Variants in SPATS1 observed in about 807,000 individuals in gnomAD.
The protein encoded by SPATS1 is spermatogenesis associated serine rich 1, also known as spermatogenesis-associated serine-rich protein 1.
Under a neutral mutation model 33.6 loss-of-function variants are expected in SPATS1, and 23 were observed. The ratio of observed to expected loss-of-function variants is 0.68; its 90% CI spans 0.49 to 0.97. The LOEUF is 0.97. Among genes scored for constraint, SPATS1 ranks in the 50% least tolerant of loss-of-function variants. The probability of loss-of-function intolerance (pLI) is 0.00; values close to 1 mark genes in which losing one functional copy is unlikely to be tolerated. For synonymous variants in SPATS1, 131 were observed against 125.6 expected (o/e 1.04, Z -0.29); for missense variants, 327 against 361.0 (o/e 0.91, Z 0.76).
intron 6 of SPATS1, 33 bp from the exon 7 acceptor site, chr6:44,370,018 A>G: frequency 2.6e-6 from 4 of 1,536,920 alleles, no homozygotes; most frequent in East Asian, 2.2e-5. Flanking sequence ...TAGATGGCAT[A>G]CCAGTTTTAT....
intron 4 of SPATS1, 152 bp from the exon 5 acceptor site, chr6:44,361,679 A>T: frequency 2.5e-6 from 3 of 1,193,026 alleles, no homozygotes; most frequent in Non-Finnish European, 1.2e-6. Flanking sequence ...ACAGAGTTTC[A>T]CACTGTCTCT....
intron 3 of SPATS1, among the ~76,000 whole-genome samples, chr6:44,358,526 G>A (rs913132088): frequency 6.6e-6 from 1 of 152,082 alleles, no homozygotes; most frequent in Non-Finnish European, 1.5e-5. Flanking sequence ...TATTAAACAT[G>A]CTTTTTTTGG....
intron 3 of SPATS1, among the ~76,000 whole-genome samples, chr6:44,354,593 G>A (rs114913983): frequency 0.032 from 4,787 of 151,912 alleles, 226 homozygotes; most frequent in African/African-American, 0.11. Context: ...TAACAGTAAG[G>A]TACAAAGTTC....
In SPATS1 at chr6:44,342,711, T is replaced by G. The variant is rs746311299; in HGVS notation, c.-58T>G. On this transcript the variant is annotated 5_prime_UTR_variant, in exon 1 of 9. Transcript: ENST00000674044. The stretch of plus-strand genomic sequence containing the variant: ...TGTCCCTTTTGCCCTAGGCTCTCGG[T>G]TCTCAGGCCTCGGCGTGCGGCGTGC... 1 of 460,454 alleles carries G rather than the reference T, an allele frequency of 2.2e-6. No homozygotes were observed. The highest frequency in any genetic ancestry group is 1.5e-5 in the South Asian group (1 of 64,598). The allele number at this position is 460,454 out of a possible 1,614,324, so 28.5% of individuals were successfully genotyped here.
In SPATS1 at chr6:44,346,439, G is replaced by A. The variant is rs9472258; in HGVS notation, c.139+3205G>A. On this transcript the variant is annotated intron_variant, in intron 2 of 8. Transcript: ENST00000674044. ...CTCACTCTGTCACCCAGGTTGGAGT[G>A]CAGTGGTATGATCAGGGCTCACTGC... Among the ~76,000 whole-genome samples the A allele has an allele frequency of 6.3e-3, 958 of 152,298 alleles. 10 individuals carry two copies. The highest frequency in any genetic ancestry group is 0.02 in the African/African-American group (838 of 41,572).
At position 44,377,100 on chromosome 6, in the gene SPATS1, T is replaced by A. The variant is rs1207094555; in HGVS notation, c.*37T>A. 1 of 1,613,630 alleles carries A rather than the reference T, an allele frequency of 6.2e-7. No individual in the cohort carries two copies. Among genetic ancestry groups the A allele is most frequent in the Admixed American group, 1.7e-5 (1 of 60,010 alleles). ...CCCACAAAACATGTGCTGACTGCACTCTGGCGACCCTTTTCCAGTTGATGT... is the reference window on the plus strand; with the variant it reads ...CCCACAAAACATGTGCTGACTGCACACTGGCGACCCTTTTCCAGTTGATGT... On this transcript the variant is annotated 3_prime_UTR_variant, in exon 9 of 9. Transcript: ENST00000674044.
intron 5 of SPATS1, 71 bp from the exon 6 acceptor site, chr6:44,368,308 C>T (rs1163099992): frequency 2.0e-6 from 3 of 1,497,036 alleles, no homozygotes; most frequent in South Asian, 1.2e-5. Flanking sequence ...CATTGTCATG[C>T]CAATACTTAC....
chr6:44,359,992 T>C (rs904078624), intron 3 of SPATS1, among the ~76,000 whole-genome samples: 1 of 152,232 alleles, frequency 6.6e-6, no homozygotes, highest in African/African-American at 2.4e-5. Context: ...TTGTGAATAA[T>C]GCTGCAAAGA....
chr6:44,367,970 C>G (rs1028410433), intron 5 of SPATS1, among the ~76,000 whole-genome samples: 1 of 152,176 alleles, frequency 6.6e-6, no homozygotes, highest in African/African-American at 2.4e-5. Flanking sequence ...CTTCCTGGAC[C>G]CAGTCAGAGA....
rs1208135666 is a variant in SPATS1 at position 44,360,427 on chromosome 6, CCTT to C, written c.288-16_288-14del. 6.2e-7 allele frequency: 1 copy of C among 1,613,846 alleles called. No homozygotes were observed. The highest frequency in any genetic ancestry group is 8.5e-7 in the Non-Finnish European group (1 of 1,179,928). On this transcript the variant is annotated splice_polypyrimidine_tract_variant and intron_variant, in intron 3 of 8. Transcript: ENST00000674044. ...TACCAGTTTAAGCACGTGGAAGAATCCTTCTGCTTTCTTTCCAGCACCACTGCT... is the reference window on the plus strand; with the variant it reads ...TACCAGTTTAAGCACGTGGAAGAATCCTGCTTTCTTTCCAGCACCACTGCT...
At chr6:44,364,534 G>C (rs1488974352) in intron 5 of SPATS1, among the ~76,000 whole-genome samples, 1 of 136,604 alleles carries the variant, frequency 7.3e-6, no homozygotes, top group Non-Finnish European at 1.6e-5. Context: ...TGGTAGTTGG[G>C]TCTACAGGCT....
chr6:44,346,955 C>A (rs1421391115), intron 2 of SPATS1, among the ~76,000 whole-genome samples: 2 of 152,116 alleles, frequency 1.3e-5, no homozygotes, highest in Non-Finnish European at 2.9e-5. Context: ...GTTCACATAG[C>A]AAAGACTTGG....
intron 2 of SPATS1, among the ~76,000 whole-genome samples, chr6:44,348,995 A>G (rs113564168): frequency 1.4e-3 from 212 of 152,086 alleles, no homozygotes; most frequent in African/African-American, 4.6e-3. Context: ...GCCAGGCATG[A>G]TGGTGGGCAC....
chr6:44,362,899 C>T (rs897411052), intron 5 of SPATS1, among the ~76,000 whole-genome samples: 4 of 151,592 alleles, frequency 2.6e-5, no homozygotes, highest in Admixed American at 6.6e-5. Flanking sequence ...AGTGCAATGG[C>T]GCGATCTTGG....
intron 3 of SPATS1, among the ~76,000 whole-genome samples, chr6:44,358,773 G>A (rs1355745620): frequency 6.6e-6 from 1 of 152,052 alleles, no homozygotes; most frequent in African/African-American, 2.4e-5. Flanking sequence ...TGTCTGTATA[G>A]ATTTGCCTAT....
intron 5 of SPATS1, among the ~76,000 whole-genome samples, chr6:44,365,142 C>A (rs932675177): frequency 6.6e-6 from 1 of 152,178 alleles, no homozygotes. Context: ...GACTGCCAAC[C>A]AGCTGCCATT....
At chr6:44,350,756 T>C (rs1788182249) in intron 2 of SPATS1, among the ~76,000 whole-genome samples, 1 of 152,138 alleles carries the variant, frequency 6.6e-6, no homozygotes, top group African/African-American at 2.4e-5. Context: ...ATTTGCATAG[T>C]TTACACTATA....
At position 44,378,913 on chromosome 6, in the gene SPATS1, G is replaced by A. The variant is rs1790086210; in HGVS notation, c.*1850G>A. The A allele has an allele frequency of 6.6e-6, 1 of 152,104 alleles. No individual in the cohort carries two copies. 9.4% of individuals were successfully genotyped at this position (152,104 alleles called of 1,614,324 possible). ...TGGGTTAACATCAGCATACATCCGTGCTAATCCTCTGGCCCCTGGGTCACA... is the reference window on the plus strand; with the variant it reads ...TGGGTTAACATCAGCATACATCCGTACTAATCCTCTGGCCCCTGGGTCACA... On this transcript the variant is annotated 3_prime_UTR_variant, in exon 9 of 9. Coordinates refer to ENST00000674044, the MANE Select transcript of SPATS1 (RefSeq NM_001372081.1).
intron 2 of SPATS1, chr6:44,343,542 G>T (rs1250127918): frequency 4.0e-6 from 2 of 498,790 alleles, no homozygotes; most frequent in South Asian, 1.5e-5. Flanking sequence ...GTTAATAAAA[G>T]GTGAGCCTGG....
Sources: allele counts gnomAD v4.1 joint callset (sites outside exome capture counted in the v4.1 genomes callset), GRCh38; gene constraint gnomAD v4.1.1; transcripts MANE v1.5; gene names NCBI Gene and HGNC (gene_info 2026-07-23, HGNC 2026-07-21).